DCX: variants seen among roughly 807,000 people sequenced by gnomAD.
DCX encodes the protein doublecortin.
In DCX, 4 loss-of-function variants were observed where a neutral mutation model predicts 20.9. The ratio of observed to expected loss-of-function variants is 0.19; its 90% CI spans 0.09 to 0.44. The LOEUF is 0.44. DCX is among the 20% of genes least tolerant of loss of function. The pLI, the probability that DCX is intolerant of heterozygous loss-of-function variation, is 0.99. For synonymous variants in DCX, 103 were observed against 111.4 expected (o/e 0.92, Z 0.47); for missense variants, 133 against 296.9 (o/e 0.45, Z 4.06).
chrX:111,371,962 A>G (rs1925128162), intron 3 of DCX, among the ~76,000 whole-genome samples: 1 of 110,055 alleles, frequency 9.1e-6, no homozygotes, highest in Non-Finnish European at 1.9e-5. Context: ...ACACACACAC[A>G]CACACACTTC....
At chrX:111,399,288 G>C (rs1927583905) in intron 3 of DCX, among the ~76,000 whole-genome samples, 1 of 111,001 alleles carries the variant, frequency 9.0e-6, no homozygotes, top group Non-Finnish European at 1.9e-5. Context: ...ATCCTCATAA[G>C]AGTCCTGTGA....
At chrX:111,334,110 C>G (rs1452236056) in intron 3 of DCX, among the ~76,000 whole-genome samples, 1 of 112,501 alleles carries the variant, frequency 8.9e-6, no homozygotes, top group Admixed American at 9.4e-5. Flanking sequence ...GCATGGTGCT[C>G]ACAAACTAAC....
chrX:111,377,602 A>G (rs1454909301), intron 3 of DCX, among the ~76,000 whole-genome samples: 2 of 111,474 alleles, frequency 1.8e-5, no homozygotes, highest in African/African-American at 3.3e-5. Flanking sequence ...CATCTGCTCT[A>G]CCTACCACTC....
intron 1 of DCX, chrX:111,411,005 G>T (rs369347856): frequency 1.3e-5 from 14 of 1,114,419 alleles, no homozygotes; most frequent in Non-Finnish European, 1.7e-5. Context: ...CTACTCTAAT[G>T]TGTGCATCCC....
intron 2 of DCX, among the ~76,000 whole-genome samples, chrX:111,401,644 T>C (rs1927800780): frequency 8.9e-6 from 1 of 112,428 alleles, no homozygotes; most frequent in South Asian, 3.7e-4. Context: ...TTTTCTGGAA[T>C]TTAAACATTT....
chrX:111,370,091 A>G (rs2041688730), intron 3 of DCX, among the ~76,000 whole-genome samples: 1 of 111,953 alleles, frequency 8.9e-6, no homozygotes, highest in African/African-American at 3.2e-5. Flanking sequence ...AAACATACCC[A>G]AAGACAAAAT....
At chrX:111,409,158 G>T (rs1364020687) in intron 2 of DCX, among the ~76,000 whole-genome samples, 1 of 111,105 alleles carries the variant, frequency 9.0e-6, no homozygotes, top group African/African-American at 3.3e-5. Flanking sequence ...TTAAAATAGG[G>T]AAGCATCCTC....
At chrX:111,374,441 G>A (rs987390476) in intron 3 of DCX, among the ~76,000 whole-genome samples, 1 of 111,551 alleles carries the variant, frequency 9.0e-6, no homozygotes, top group African/African-American at 3.3e-5. Flanking sequence ...AAAACACTGT[G>A]GCATTATCTT....
intron 3 of DCX, among the ~76,000 whole-genome samples, chrX:111,375,531 T>C (rs1381850734): frequency 2.7e-5 from 3 of 111,850 alleles, no homozygotes. Context: ...ATGGTTAAGA[T>C]AATTTGAGTC....
intron 5 of DCX, among the ~76,000 whole-genome samples, chrX:111,320,824 TTCTC>T (rs375989722): frequency 1.5e-4 from 16 of 105,007 alleles, no homozygotes; most frequent in Non-Finnish European, 1.4e-4. Flanking sequence ...CTCTCTTTCT[TTCTC>T]TCTCTCTCTC....
chrX:111,318,054 G>A (rs946660724), intron 5 of DCX, among the ~76,000 whole-genome samples: 1 of 107,118 alleles, frequency 9.3e-6, no homozygotes, highest in Non-Finnish European at 1.9e-5. Flanking sequence ...GTGTGGTGGC[G>A]TGCACCTGTA....
At chrX:111,304,570 A>C (rs2095040917) in intron 6 of DCX, among the ~76,000 whole-genome samples, 1 of 111,355 alleles carries the variant, frequency 9.0e-6, no homozygotes, top group Non-Finnish European at 1.9e-5. Flanking sequence ...ATTCCCAGAG[A>C]ATTGTCAATC....
intron 5 of DCX, among the ~76,000 whole-genome samples, chrX:111,318,204 A>G (rs1331284456): frequency 1.9e-5 from 2 of 104,489 alleles, no homozygotes; most frequent in Non-Finnish European, 3.9e-5. Flanking sequence ...AAAAAAAAAA[A>G]GTAAAAAAAT....
At chrX:111,310,292 C>T (rs1210049362) in intron 6 of DCX, among the ~76,000 whole-genome samples, 2 of 110,960 alleles carry the variant, frequency 1.8e-5, no homozygotes, top group Non-Finnish European at 3.8e-5. Flanking sequence ...GAGATCGTGC[C>T]ACTGCACTCC....
At chrX:111,362,985 G>A (rs1302840879) in intron 3 of DCX, among the ~76,000 whole-genome samples, 1 of 112,068 alleles carries the variant, frequency 8.9e-6, no homozygotes, top group African/African-American at 3.2e-5. Context: ...GCTGGTAGAG[G>A]AGACTGATAT....
intron 3 of DCX, among the ~76,000 whole-genome samples, chrX:111,396,500 A>G (rs1434021634): frequency 8.9e-6 from 1 of 111,918 alleles, no homozygotes; most frequent in African/African-American, 3.2e-5. Context: ...CAGCTGCACC[A>G]CTGTGTATGA....
At chrX:111,321,346 AG>A (rs1190531516) in intron 5 of DCX, among the ~76,000 whole-genome samples, 1 of 111,523 alleles carries the variant, frequency 9.0e-6, no homozygotes, top group Non-Finnish European at 1.9e-5. Flanking sequence ...ACAATTGCCA[AG>A]CTTGGTCCTG....
chrX:111,340,495 T>G (rs1922125999), intron 3 of DCX, among the ~76,000 whole-genome samples: 2 of 111,680 alleles, frequency 1.8e-5, no homozygotes, highest in Non-Finnish European at 3.8e-5. Flanking sequence ...TTTCCCCCAG[T>G]GAGGCACACC....
At chrX:111,339,252 C>T (rs1164983478) in intron 3 of DCX, among the ~76,000 whole-genome samples, 1 of 111,761 alleles carries the variant, frequency 8.9e-6, no homozygotes, top group Non-Finnish European at 1.9e-5. Flanking sequence ...TTTGTCCCCT[C>T]CAAAACTCAT....
Sources: gnomAD v4.1 joint callset for allele counts (sites outside exome capture counted in the v4.1 genomes callset) on GRCh38, gnomAD v4.1.1 for gene constraint, MANE v1.5 for transcripts, NCBI Gene and HGNC (gene_info 2026-07-23, HGNC 2026-07-21) for gene names.